Variants in DHX36 observed in about 807,000 individuals in gnomAD.
The protein encoded by DHX36 is DEAH-box helicase 36.
In DHX36, 50 loss-of-function variants were observed where a neutral mutation model predicts 139.0. The ratio of observed to expected loss-of-function variants is 0.36; its 90% confidence interval spans 0.29 to 0.46. The LOEUF (loss-of-function observed/expected upper bound fraction) is 0.46. DHX36 is among the 20% of genes least tolerant of loss of function. DHX36 has a pLI of 1.00. For synonymous variants in DHX36, 425 were observed against 401.9 expected, an observed-to-expected ratio of 1.06 and a Z score of -0.69; for missense variants, 1,024 against 1,211.3, an observed-to-expected ratio of 0.85 and a Z score of 2.29.
In DHX36 at chr3:154,311,618, T is replaced by C. The variant is rs751809903; in HGVS notation, c.642+18A>G. The C allele has an allele frequency of 1.3e-6, 2 of 1,590,130 alleles. No homozygotes were observed. Among genetic ancestry groups the C allele is most frequent in the Non-Finnish European group, 1.7e-6 (2 of 1,172,666 alleles). ...TTAATTTGCAAATCAAATTAAATAG[T>C]GGAAAAAAGCACTTTACCTTTTGCA... On this transcript the variant is annotated intron_variant, in intron 4 of 24. Transcript: ENST00000496811.
At chr3:154,317,173 G>A (rs986651464) in intron 1 of DHX36, among the ~76,000 whole-genome samples, 7 of 152,048 alleles carry the variant, frequency 4.6e-5, no homozygotes, top group Non-Finnish European at 8.8e-5. Flanking sequence ...GAGAGCAGCA[G>A]TAAGATGAAT....
intron 3 of DHX36, among the ~76,000 whole-genome samples, chr3:154,312,852 AATATATATATATATATAT>A (rs67771264): frequency 3.2e-3 from 127 of 39,760 alleles, no homozygotes; most frequent in African/African-American, 5.1e-3. Context: ...AAATAATTAA[AATATATATATATATATAT>A]ATATATATAT....
chr3:154,283,139 T>C (rs1719381207), intron 20 of DHX36, 49 bp downstream of exon 20: 1 of 1,386,786 alleles, frequency 7.2e-7, no homozygotes. Flanking sequence ...GATGTATATA[T>C]TCTCTAATCT....
intron 22 of DHX36, 180 bp from the exon 23 acceptor site, chr3:154,277,898 G>A: frequency 6.5e-6 from 3 of 458,124 alleles, no homozygotes; most frequent in Non-Finnish European, 1.1e-5. Flanking sequence ...TATATTTGAG[G>A]ACAGAGCATA....
At chr3:154,295,512 G>C (rs1267963377) in intron 12 of DHX36, among the ~76,000 whole-genome samples, 173 bp from the exon 13 acceptor site, 2 of 152,162 alleles carry the variant, frequency 1.3e-5, no homozygotes, top group African/African-American at 4.8e-5. Context: ...CTGCCCATGT[G>C]TTTAAGTGAA....
At chr3:154,308,794 T>TAAA (rs977207531) in intron 5 of DHX36, among the ~76,000 whole-genome samples, 15 of 152,302 alleles carry the variant, frequency 9.8e-5, no homozygotes, top group African/African-American at 3.6e-4. Context: ...TATAAACTGT[T>TAAA]ACTTAAGTAT....
intron 12 of DHX36, among the ~76,000 whole-genome samples, chr3:154,299,529 C>T (rs1367301594): frequency 6.6e-6 from 1 of 152,086 alleles, no homozygotes; most frequent in Non-Finnish European, 1.5e-5. Context: ...GTATCTGAAT[C>T]TTAAAGAAGC....
At chr3:154,282,471 T>C (rs990938646) in intron 20 of DHX36, among the ~76,000 whole-genome samples, 4 of 152,178 alleles carry the variant, frequency 2.6e-5, no homozygotes, top group African/African-American at 7.2e-5. Flanking sequence ...ATATTCTTAT[T>C]AGCTATTCCA....
At chr3:154,320,391 G>A (rs1713144475) in intron 1 of DHX36, among the ~76,000 whole-genome samples, 1 of 151,184 alleles carries the variant, frequency 6.6e-6, no homozygotes. Flanking sequence ...AAGATGTCAG[G>A]TGATTCCTAT....
At chr3:154,315,712 A>C (rs1712952935) in intron 2 of DHX36, among the ~76,000 whole-genome samples, 1 of 152,068 alleles carries the variant, frequency 6.6e-6, no homozygotes, top group African/African-American at 2.4e-5. Context: ...AGTTCTTGTA[A>C]TCTTTCTAAA....
At position 154,306,429 on chromosome 3, in the gene DHX36, T is replaced by C. The variant is rs145080445; in HGVS notation, c.814-134A>G. On this transcript the variant is annotated intron_variant, in intron 5 of 24. Coordinates refer to ENST00000496811, the MANE Select transcript of DHX36 (RefSeq NM_020865.3). ...TGAGTTAAAAAAATAGATATTAAAA[T>C]CTGAGGTATCTAAAACAGTGTGTGC... is the stretch of plus-strand genomic sequence containing the variant. 4.3e-4 allele frequency: 296 copies of C among 687,334 alleles called. 1 individual carries two copies. Among genetic ancestry groups the C allele is most frequent in the Non-Finnish European group, 6.0e-4 (248 of 410,474 alleles). 42.6% of individuals were successfully genotyped at this position (687,334 alleles called of 1,614,324 possible). A position where few individuals can be genotyped will look rare whatever the true frequency, so the allele number is the denominator to read the frequency against.
Position 154,305,144 on chromosome 3 carries a change from A to G in DHX36, c.918T>C (p.Ser306=), listed in dbSNP as rs1712450184. The part of the protein sequence containing the change: ...LQSRLPRKQG[S]ILYCTTGIIL... ...TGATTCCTGTTGTACAGTATAAGAT[A>G]GAACCCTGTTTCCTTGGCAACCGAC... Residue 306 remains serine, a synonymous_variant, in exon 7 of 25, where the codon TCT becomes TCC. Transcript: ENST00000496811. 6.2e-7 allele frequency: 1 copy of G among 1,611,628 alleles called. No homozygotes were observed. The highest frequency in any genetic ancestry group is 8.5e-7 in the Non-Finnish European group (1 of 1,179,064).
At chr3:154,276,425 CTAATT>C in intron 24 of DHX36, 69 bp from the exon 25 acceptor site, 1 of 1,384,880 alleles carries the variant, frequency 7.2e-7, no homozygotes. Context: ...ATAAATGAAA[CTAATT>C]TACCTGATAC....
At chr3:154,318,095 A>C (rs1416694048) in intron 1 of DHX36, among the ~76,000 whole-genome samples, 1 of 152,276 alleles carries the variant, frequency 6.6e-6, no homozygotes, top group East Asian at 1.9e-4. Context: ...GGGTTTTGTA[A>C]GACATTCTAA....
At chr3:154,322,929 T>C (rs1713248717) in intron 1 of DHX36, among the ~76,000 whole-genome samples, 1 of 152,190 alleles carries the variant, frequency 6.6e-6, no homozygotes, top group Non-Finnish European at 1.5e-5. Context: ...AAGAAATGGA[T>C]TTGTTTTTTA....
intron 22 of DHX36, chr3:154,278,705 T>A (rs902552878): frequency 8.5e-5 from 13 of 152,240 alleles, no homozygotes; most frequent in Admixed American, 7.2e-4. Flanking sequence ...GTCTCAAACT[T>A]CTGACCTCAG....
chr3:154,282,813 T>C (rs982736346), intron 20 of DHX36, among the ~76,000 whole-genome samples: 4 of 152,192 alleles, frequency 2.6e-5, no homozygotes, highest in Non-Finnish European at 4.4e-5. Flanking sequence ...GTTTTACAAA[T>C]GCTTGCCTGT....
chr3:154,300,541 T>TA (rs1712225521), intron 11 of DHX36, 53 bp downstream of exon 11: 2 of 1,396,894 alleles, frequency 1.4e-6, no homozygotes, highest in Admixed American at 1.8e-5. Context: ...ATGGCCTTGA[T>TA]ACGTTAATAA....
At position 154,276,743 on chromosome 3, in the gene DHX36, T is replaced by C. The variant is rs1176463572; in HGVS notation, c.2841+4A>G. The C allele has an allele frequency of 1.2e-6, 2 of 1,613,330 alleles. No individual in the cohort carries two copies. The highest frequency in any genetic ancestry group is 1.7e-6 in the Non-Finnish European group (2 of 1,179,652). ...ATTTAAGATAATCACATAAAGTCAG[T>C]CACCTTAACAAGATGGGCAATTCTT... On this transcript the variant is annotated splice_donor_region_variant and intron_variant, in intron 24 of 24. Transcript: ENST00000496811.
Sources: gnomAD v4.1 joint callset for allele counts (sites outside exome capture counted in the v4.1 genomes callset) on GRCh38, gnomAD v4.1.1 for gene constraint, MANE v1.5 for transcripts, NCBI Gene and HGNC (gene_info 2026-07-23, HGNC 2026-07-21) for gene names.